Variants in COL5A1 observed in about 807,000 individuals in gnomAD.
COL5A1 encodes collagen type V alpha 1 chain.
Under a neutral mutation model 263.7 loss-of-function variants are expected in COL5A1, and 16 were observed. That is an observed-to-expected ratio of 0.06 (90% confidence interval 0.04 to 0.09). The LOEUF is 0.09. COL5A1 is among the 10% of genes least tolerant of loss of function. The pLI is 1.00. For missense variants in COL5A1, 2,036 were observed against 2,540.5 expected, an observed-to-expected ratio of 0.80 and a Z score of 4.27; for synonymous variants, 1,012 against 1,004.5, an observed-to-expected ratio of 1.01 and a Z score of -0.14.
At chr9:134,703,020 G>A (rs1490154505) in intron 4 of COL5A1, among the ~76,000 whole-genome samples, 4 of 152,228 alleles carry the variant, frequency 2.6e-5, no homozygotes, top group East Asian at 1.9e-4. Context: ...ACACAGCCCC[G>A]CGGCCCAGTG....
At chr9:134,735,756 C>T (rs1010659775) in intron 9 of COL5A1, among the ~76,000 whole-genome samples, 17 of 152,200 alleles carry the variant, frequency 1.1e-4, no homozygotes, top group African/African-American at 2.4e-4. Flanking sequence ...TTGTCAGAGA[C>T]GGAAATTGGA....
At chr9:134,804,775 C>G (rs1324843692) in intron 39 of COL5A1, among the ~76,000 whole-genome samples, 200 bp from the exon 40 acceptor site, 1 of 152,210 alleles carries the variant, frequency 6.6e-6, no homozygotes, top group Non-Finnish European at 1.5e-5. Context: ...GACCCTTGGC[C>G]TTGCTCCGGG....
intron 1 of COL5A1, among the ~76,000 whole-genome samples, chr9:134,655,355 G>A (rs1374211517): frequency 6.6e-6 from 1 of 151,930 alleles, no homozygotes; most frequent in East Asian, 1.9e-4. Flanking sequence ...ACAGAGCCCC[G>A]GGAGGCCCCC....
At chr9:134,675,480 G>A (rs1832659878) in intron 1 of COL5A1, among the ~76,000 whole-genome samples, 1 of 152,212 alleles carries the variant, frequency 6.6e-6, no homozygotes, top group African/African-American at 2.4e-5. Context: ...AACATCTCCT[G>A]TGTATTTCTG....
chr9:134,707,040 G>T (rs192470617), intron 4 of COL5A1, among the ~76,000 whole-genome samples: 1 of 152,334 alleles, frequency 6.6e-6, no homozygotes, highest in African/African-American at 2.4e-5. Flanking sequence ...AGCTGGCCCA[G>T]TGAGCCACGT....
At position 134,819,032 on chromosome 9, in the gene COL5A1, T is replaced by A. The variant is rs760793126; in HGVS notation, c.4425T>A (p.Asp1475Glu). ...GPPGLPGLKG[D>E]SGPKGEKGHP... is the part of the protein sequence containing the mutation. The stretch of plus-strand genomic sequence containing the variant: ...CAGGACTTCCCGGCCTCAAAGGAGA[T>A]TCTGGTCCCAAAGGTGAAAAGGTAA... Residue 1475 changes from aspartate to glutamate, a missense_variant, in exon 57 of 66, where the codon GAT becomes GAA. Asp to Glu is a conservative substitution (Grantham distance 45, BLOSUM62 2). Around this residue, in one of 3 missense-constraint regions of COL5A1, gnomAD observed 1,078 missense variants for 1,521.4 expected, o/e 0.71. Transcript: ENST00000371817. 1 of 1,613,314 alleles carries A rather than the reference T, an allele frequency of 6.2e-7. No homozygotes were observed. The highest frequency in any genetic ancestry group is 1.7e-5 in the Admixed American group (1 of 60,024).
intron 1 of COL5A1, among the ~76,000 whole-genome samples, chr9:134,685,055 A>ATTAATTCAT (rs145886142): frequency 3.3e-5 from 1 of 29,872 alleles, no homozygotes; most frequent in Admixed American, 3.2e-4. Context: ...CCATCCATCC[A>ATTAATTCAT]CCATCCATCC....
chr9:134,749,840 A>G (rs1835710081), intron 11 of COL5A1, among the ~76,000 whole-genome samples: 1 of 152,266 alleles, frequency 6.6e-6, no homozygotes, highest in African/African-American at 2.4e-5. Flanking sequence ...TTATTTTGAA[A>G]ATAAATCATC....
chr9:134,665,250 C>G (rs920342250), intron 1 of COL5A1, among the ~76,000 whole-genome samples: 2 of 152,180 alleles, frequency 1.3e-5, no homozygotes, highest in Non-Finnish European at 2.9e-5. Context: ...ACCAGCATCT[C>G]CAGTTCCCAG....
At chr9:134,671,878 G>T (rs1227066953) in intron 1 of COL5A1, among the ~76,000 whole-genome samples, 1 of 152,266 alleles carries the variant, frequency 6.6e-6, no homozygotes, top group Non-Finnish European at 1.5e-5. Context: ...AGAACAATGA[G>T]CCAACAGGCG....
chr9:134,804,493 A>G (rs948617148), intron 39 of COL5A1, among the ~76,000 whole-genome samples: 23 of 152,222 alleles, frequency 1.5e-4, no homozygotes, highest in African/African-American at 5.1e-4. Flanking sequence ...TCTTACAAGG[A>G]GCCCCAAATC....
Position 134,647,478 on chromosome 9 carries a change from T to A in COL5A1, c.109+5182T>A, listed in dbSNP as rs1244904763. Among the ~76,000 whole-genome samples, 2 of 152,162 alleles carry A rather than the reference T, an allele frequency of 1.3e-5. No individual in the cohort carries two copies. Among genetic ancestry groups the A allele is most frequent in the African/African-American group, 4.8e-5 (2 of 41,430 alleles). On this transcript the variant is annotated intron_variant, in intron 1 of 65. Coordinates refer to ENST00000371817, the MANE Select transcript of COL5A1 (RefSeq NM_000093.5). This position sits in a 1 kb window ranked among gnomAD's most constrained non-coding sequence, Gnocchi z 5.0. ...ATGTGTTTGTGGGTATACATGTGTG[T>A]TTGAGTGTGCACGCATGCGCATCCT...
intron 1 of COL5A1, among the ~76,000 whole-genome samples, chr9:134,654,784 G>T (rs1831878922): frequency 6.9e-6 from 1 of 145,144 alleles, no homozygotes; most frequent in African/African-American, 2.6e-5. Context: ...TCTAGGGCTG[G>T]GGTGTGTAGA....
chr9:134,829,899 G>A (rs983268563), intron 63 of COL5A1, 77 bp from the exon 64 acceptor site: 49 of 1,493,922 alleles, frequency 3.3e-5, no homozygotes, highest in Middle Eastern at 4.7e-4. Context: ...GAAAGCCTGG[G>A]GCCTTGCTCT....
intron 65 of COL5A1, among the ~76,000 whole-genome samples, chr9:134,835,559 C>A (rs1290141443): frequency 6.6e-6 from 1 of 152,214 alleles, no homozygotes; most frequent in Non-Finnish European, 1.5e-5. Context: ...TCTCCTTGGA[C>A]AGGGCTCTTC....
chr9:134,682,278 C>G lies in COL5A1; in HGVS notation c.110-8634C>G, dbSNP rs1057496713. 1.3e-5 allele frequency among the ~76,000 whole-genome samples: 2 copies of G among 152,172 alleles called. No homozygotes were observed. Among genetic ancestry groups the G allele is most frequent in the Non-Finnish European group, 2.9e-5 (2 of 68,028 alleles). On this transcript the variant is annotated intron_variant, in intron 1 of 65. Transcript: ENST00000371817. The surrounding 1 kb of genome is among the most constrained non-coding windows in gnomAD (Gnocchi z 5.1). ...ACCCAGCCTAGTGCCTCGCCTTCCCCCAGCCATGCTGCCTGGAGGCCGGGT... is the reference window on the plus strand; with the variant it reads ...ACCCAGCCTAGTGCCTCGCCTTCCCGCAGCCATGCTGCCTGGAGGCCGGGT...
At chr9:134,737,892 C>T (rs764405235) in intron 9 of COL5A1, among the ~76,000 whole-genome samples, 19 of 152,136 alleles carry the variant, frequency 1.2e-4, no homozygotes, top group Non-Finnish European at 2.4e-4. Flanking sequence ...GGCAGGTGGA[C>T]ATGGCAGGGT....
At chr9:134,732,514 GC>G in intron 9 of COL5A1, 2 of 394,246 alleles carry the variant, frequency 5.1e-6, no homozygotes, top group South Asian at 5.6e-5. Flanking sequence ...TGTAAAAGAT[GC>G]GCGCGGCAGT....
Position 134,741,828 on chromosome 9 carries a change from C to T in COL5A1, c.1494+3020C>T, listed in dbSNP as rs895837546. Among the ~76,000 whole-genome samples, 2 of 152,154 alleles carry T rather than the reference C, an allele frequency of 1.3e-5. No homozygotes were observed. The highest frequency in any genetic ancestry group is 4.8e-5 in the African/African-American group (2 of 41,432). Reference sequence around the variant, plus strand: ...TCTGGAAGAGCCCTCTTCTCCCTGCCACTCCCAACCTCCCGCCTTGGGCTT... The same window carrying T: ...TCTGGAAGAGCCCTCTTCTCCCTGCTACTCCCAACCTCCCGCCTTGGGCTT... On this transcript the variant is annotated intron_variant, in intron 11 of 65. Coordinates refer to ENST00000371817, the MANE Select transcript of COL5A1 (RefSeq NM_000093.5). The surrounding 1 kb of genome is among the most constrained non-coding windows in gnomAD (Gnocchi z 4.5).
Sources: allele counts gnomAD v4.1 joint callset (sites outside exome capture counted in the v4.1 genomes callset), GRCh38; gene constraint gnomAD v4.1.1; regional missense constraint gnomAD v4.1.1; non-coding constraint Gnocchi (gnomAD v3.1); transcripts MANE v1.5; gene names NCBI Gene and HGNC (gene_info 2026-07-23, HGNC 2026-07-21).